Variants in NUFIP2 observed in about 807,000 individuals in gnomAD.
NUFIP2 encodes FMR1-interacting protein NUFIP2.
NUFIP2 carries 6 observed loss-of-function variants against 56.9 expected under a neutral mutation model. That is an observed-to-expected ratio of 0.11 (90% CI 0.06 to 0.21). The LOEUF is 0.21. Among genes scored for constraint, NUFIP2 ranks in the 10% least tolerant of loss-of-function variants. The probability of loss-of-function intolerance (pLI) is 1.00; values close to 1 mark genes in which losing one functional copy is unlikely to be tolerated. For missense variants in NUFIP2, 828 were observed against 826.8 expected, an observed-to-expected ratio of 1.00 and a Z score of -0.02; for synonymous variants, 321 against 298.2, an observed-to-expected ratio of 1.08 and a Z score of -0.79.
chr17:29,292,759 C>T (rs1841646296), intron 1 of NUFIP2, among the ~76,000 whole-genome samples: 1 of 149,738 alleles, frequency 6.7e-6, no homozygotes, highest in Non-Finnish European at 1.5e-5. Context: ...CGCGCGGGGC[C>T]CTGCGCAGGC....
chr17:29,293,925 G>T lies in NUFIP2; in HGVS notation c.135C>A (p.His45Gln), dbSNP rs2069235407. 3.1e-6 allele frequency: 5 copies of T among 1,613,872 alleles called. No homozygotes were observed. Among genetic ancestry groups the T allele is most frequent in the Middle Eastern group, 3.3e-4 (2 of 6,062 alleles). ...GCTGCTGGTGATGATGGTGGTGGTG[G>T]TGGTTGTGGCTGTGGTTGTAGAAAT... ...HYYFYNHSHN[H>Q]HHHHHHQQPH... The change falls in exon 1 of 4, where the codon CAC becomes CAA. Residue 45 changes from histidine (H) to glutamine (Q), a missense_variant. Physicochemically the swap from His to Gln is conservative, Grantham distance 24. Around this residue, in one of 3 missense-constraint regions of NUFIP2, gnomAD observed 415 missense variants for 408.7 expected, o/e 1.02. Coordinates refer to ENST00000225388, the MANE Select transcript of NUFIP2 (RefSeq NM_020772.3).
Position 29,260,851 on chromosome 17 carries a change from G to A in NUFIP2, c.*3688C>T, listed in dbSNP as rs1324356387. On this transcript the variant is annotated 3_prime_UTR_variant, in exon 4 of 4. Transcript: ENST00000225388. ...AAGGAGGACAACAAAATTCTAAAAT[G>A]GAGAAACTCTGGCCATTTATTTCAA... 1 of 152,048 alleles carries A rather than the reference G, an allele frequency of 6.6e-6. No homozygotes were observed. Among genetic ancestry groups the A allele is most frequent in the Admixed American group, 6.6e-5 (1 of 15,266 alleles). 9.4% of individuals were successfully genotyped at this position (152,048 alleles called of 1,614,324 possible).
At chr17:29,291,643 G>A (rs1006458145) in intron 1 of NUFIP2, among the ~76,000 whole-genome samples, 1 of 152,218 alleles carries the variant, frequency 6.6e-6, no homozygotes, top group Non-Finnish European at 1.5e-5. Flanking sequence ...AGTCTGGCAA[G>A]AGTATATTAA....
At chr17:29,267,585 C>A in intron 2 of NUFIP2, 55 bp from the exon 3 acceptor site, 1 of 1,080,214 alleles carries the variant, frequency 9.3e-7, no homozygotes, top group Non-Finnish European at 1.4e-6. Flanking sequence ...AAGTCTGAAG[C>A]GATGCTTTTC....
intron 2 of NUFIP2, among the ~76,000 whole-genome samples, chr17:29,285,740 T>C (rs1287839095): frequency 4.6e-5 from 7 of 152,148 alleles, no homozygotes. Context: ...CTTCTGTTCT[T>C]TGAACCAGGT....
chr17:29,268,005 TCTC>T (rs1419178700), intron 2 of NUFIP2, among the ~76,000 whole-genome samples: 10 of 152,204 alleles, frequency 6.6e-5, no homozygotes, highest in Admixed American at 3.9e-4. Context: ...TTCCAGCGCT[TCTC>T]CTGTCTCAAC....
At chr17:29,273,517 C>G (rs958089554) in intron 2 of NUFIP2, among the ~76,000 whole-genome samples, 1 of 148,000 alleles carries the variant, frequency 6.8e-6, no homozygotes, top group African/African-American at 2.6e-5. Flanking sequence ...CACACACACA[C>G]ACACACACAG....
intron 1 of NUFIP2, among the ~76,000 whole-genome samples, chr17:29,293,420 A>T (rs771363626): frequency 3.9e-5 from 6 of 152,034 alleles, no homozygotes; most frequent in Non-Finnish European, 7.4e-5. Context: ...TTGGGGGGGT[A>T]GGTTTACCCC....
chr17:29,285,271 G>C (rs2069165764), intron 2 of NUFIP2, among the ~76,000 whole-genome samples: 1 of 151,938 alleles, frequency 6.6e-6, no homozygotes, highest in Admixed American at 6.6e-5. Flanking sequence ...CTGCACTCCA[G>C]CCTGGGTGAG....
chr17:29,274,471 G>A (rs2069095416), intron 2 of NUFIP2, among the ~76,000 whole-genome samples: 1 of 152,124 alleles, frequency 6.6e-6, no homozygotes, highest in Admixed American at 6.6e-5. Flanking sequence ...AGACAACCGT[G>A]TCTTAAAAAA....
At chr17:29,269,315 A>C (rs1437150533) in intron 2 of NUFIP2, among the ~76,000 whole-genome samples, 1 of 152,216 alleles carries the variant, frequency 6.6e-6, no homozygotes, top group African/African-American at 2.4e-5. Context: ...AAACTCATTA[A>C]GATGGGATAC....
intron 1 of NUFIP2, among the ~76,000 whole-genome samples, chr17:29,292,111 G>A (rs2069217673): frequency 6.6e-6 from 1 of 152,068 alleles, no homozygotes; most frequent in Non-Finnish European, 1.5e-5. Flanking sequence ...TTTCTTACAT[G>A]ACTTTTACCC....
intron 1 of NUFIP2, among the ~76,000 whole-genome samples, chr17:29,288,266 C>T (rs912740534): frequency 6.6e-6 from 1 of 152,222 alleles, no homozygotes; most frequent in Non-Finnish European, 1.5e-5. Flanking sequence ...AGGATGGTCT[C>T]GATCTCCTGA....
chr17:29,270,518 CCTA>C (rs1479334819), intron 2 of NUFIP2, among the ~76,000 whole-genome samples: 1 of 151,752 alleles, frequency 6.6e-6, no homozygotes, highest in Non-Finnish European at 1.5e-5. Context: ...TCTTGGTTGA[CCTA>C]CTGCAAAAAA....
At chr17:29,269,867 C>A (rs185997683) in intron 2 of NUFIP2, among the ~76,000 whole-genome samples, 72 of 152,130 alleles carry the variant, frequency 4.7e-4, no homozygotes, top group African/African-American at 1.7e-3. Context: ...ACTACAGGTG[C>A]CTGCCACCAC....
At chr17:29,282,006 C>T (rs2069143125) in intron 2 of NUFIP2, among the ~76,000 whole-genome samples, 1 of 151,778 alleles carries the variant, frequency 6.6e-6, no homozygotes, top group Non-Finnish European at 1.5e-5. Flanking sequence ...TCGTGATCCA[C>T]CCTCCTTGGC....
intron 2 of NUFIP2, among the ~76,000 whole-genome samples, chr17:29,278,106 C>A (rs1598432807): frequency 6.6e-6 from 1 of 152,070 alleles, no homozygotes; most frequent in Admixed American, 6.6e-5. Flanking sequence ...TTCAGTAGAC[C>A]CCTTAATGAA....
intron 2 of NUFIP2, among the ~76,000 whole-genome samples, chr17:29,284,567 G>A (rs1052067984): frequency 6.6e-6 from 1 of 151,770 alleles, no homozygotes; most frequent in Non-Finnish European, 1.5e-5. Context: ...TTAGCCAGGC[G>A]TGGTGGTGGG....
Position 29,262,297 on chromosome 17 carries a change from T to G in NUFIP2, c.*2242A>C, listed in dbSNP as rs2069008212. On this transcript the variant is annotated 3_prime_UTR_variant, in exon 4 of 4. Coordinates refer to ENST00000225388, the MANE Select transcript of NUFIP2 (RefSeq NM_020772.3). The stretch of plus-strand genomic sequence containing the variant: ...GCGACAAGTGGTTACACAAGGCAAT[T>G]GAACACACAGCAGAACTTTAAAACC... 6.6e-6 allele frequency: 1 copy of G among 152,572 alleles called. No individual in the cohort carries two copies. Among genetic ancestry groups the G allele is most frequent in the Admixed American group, 6.6e-5 (1 of 15,264 alleles). 9.5% of individuals were successfully genotyped at this position (152,572 alleles called of 1,614,324 possible).
Sources: allele counts gnomAD v4.1 joint callset (sites outside exome capture counted in the v4.1 genomes callset), GRCh38; gene constraint gnomAD v4.1.1; regional missense constraint gnomAD v4.1.1; transcripts MANE v1.5; gene names NCBI Gene and HGNC (gene_info 2026-07-23, HGNC 2026-07-21).